PRKD2: variants seen among roughly 807,000 people sequenced by gnomAD.
PRKD2 encodes the protein protein kinase D2, also known as serine/threonine-protein kinase D2.
Under a neutral mutation model 86.0 loss-of-function variants are expected in PRKD2, and 22 were observed. That is an observed-to-expected ratio of 0.26 (90% CI 0.18 to 0.37). The LOEUF is 0.37. Ranked by LOEUF, PRKD2 falls within the 10% of genes least tolerant of loss-of-function variation. PRKD2 has a pLI of 1.00. For missense variants in PRKD2, 818 were observed against 1,199.2 expected (o/e 0.68, Z 4.70); for synonymous variants, 509 against 510.9 (o/e 1.00, Z 0.05).
In PRKD2 at chr19:46,674,514, C is replaced by T. The variant is rs917914802; in HGVS notation, c.*9G>A. 1.7e-5 allele frequency: 27 copies of T among 1,607,152 alleles called. No individual in the cohort carries two copies. Among genetic ancestry groups the T allele is most frequent in the Non-Finnish European group, 2.2e-5 (26 of 1,175,768 alleles). Reference sequence around the variant, plus strand: ...GTGGAGGGCAGCAGCTGGACGAGGGCACAGGACCTCAGAGAACACTGATGC... The same window carrying T: ...GTGGAGGGCAGCAGCTGGACGAGGGTACAGGACCTCAGAGAACACTGATGC... On this transcript the variant is annotated 3_prime_UTR_variant, in exon 18 of 18. Coordinates refer to ENST00000291281, the MANE Select transcript of PRKD2 (RefSeq NM_016457.5).
chr19:46,681,834 C>A, intron 14 of PRKD2, 86 bp from the exon 15 acceptor site: 4 of 740,470 alleles, frequency 5.4e-6, no homozygotes, highest in Non-Finnish European at 6.6e-6. Flanking sequence ...CCAAACCCAT[C>A]CATACTTTTT....
chr19:46,682,701 ATTTTTTTTTT>A (rs71177241), intron 14 of PRKD2, among the ~76,000 whole-genome samples: 4 of 102,874 alleles, frequency 3.9e-5, no homozygotes, highest in African/African-American at 1.5e-4. Flanking sequence ...ATGTGATTCT[ATTTTTTTTTT>A]TTTTTTTTTT....
At chr19:46,710,646 T>A in intron 3 of PRKD2, 1 of 441,700 alleles carries the variant, frequency 2.3e-6, no homozygotes, top group Non-Finnish European at 4.1e-6. Flanking sequence ...CCCTAGGCTC[T>A]GTTCTTAAGC....
At chr19:46,694,274 T>A in intron 9 of PRKD2, 141 bp from the exon 10 acceptor site, 1 of 1,182,602 alleles carries the variant, frequency 8.5e-7, no homozygotes, top group Non-Finnish European at 1.2e-6. Context: ...CCAGTAATTC[T>A]AAGCCTGTTC....
chr19:46,702,856 T>C (rs1447524665), intron 5 of PRKD2, among the ~76,000 whole-genome samples: 3 of 152,002 alleles, frequency 2.0e-5, no homozygotes. Flanking sequence ...CCTGGCTAAT[T>C]TTTAATTTTT....
At position 46,711,014 on chromosome 19, in the gene PRKD2, T is replaced by A; in HGVS notation, c.404A>T (p.Gln135Leu). 1.3e-6 allele frequency: 2 copies of A among 1,582,310 alleles called. No homozygotes were observed. The highest frequency in any genetic ancestry group is 1.7e-6 in the Non-Finnish European group (2 of 1,164,298). Residue 135 changes from glutamine (Q) to leucine (L), a missense_variant, in exon 3 of 18, where the codon CAG (glutamine) becomes CTG (leucine). Around this residue, in one of 5 missense-constraint regions of PRKD2, gnomAD observed 403 missense variants for 518.6 expected, o/e 0.78. Coordinates refer to ENST00000291281, the MANE Select transcript of PRKD2 (RefSeq NM_016457.5). ...CACCGTGAGGGCGTGCGGGCGGATC[T>A]GGAAGTCCTCGAAGGTGGCCGAGGC... is the stretch of plus-strand genomic sequence containing the variant. ...LSASATFEDF[Q>L]IRPHALTVHS...
At chr19:46,699,003 A>G (rs2053600459) in intron 7 of PRKD2, among the ~76,000 whole-genome samples, 1 of 152,146 alleles carries the variant, frequency 6.6e-6, no homozygotes, top group Non-Finnish European at 1.5e-5. Flanking sequence ...CTGCGGCTTC[A>G]GGCTGCTTGG....
intron 3 of PRKD2, among the ~76,000 whole-genome samples, chr19:46,708,090 G>A (rs1044484921): frequency 1.4e-4 from 21 of 151,952 alleles, no homozygotes; most frequent in African/African-American, 5.1e-4. Context: ...AGACTGAGAC[G>A]CTGTCTCCAA....
At position 46,691,774 on chromosome 19, in the gene PRKD2, C is replaced by A; in HGVS notation, c.1663G>T (p.Glu555Ter). 1 of 1,613,416 alleles carries A rather than the reference C, an allele frequency of 6.2e-7. No individual in the cohort carries two copies. The highest frequency in any genetic ancestry group is 8.5e-7 in the Non-Finnish European group (1 of 1,180,020). Residue 555 changes from glutamate to a stop codon, truncating the protein, a stop_gained, in exon 12 of 18, where the codon GAA becomes TAA. Coordinates refer to ENST00000291281, the MANE Select transcript of PRKD2 (RefSeq NM_016457.5). LOFTEE classifies it high-confidence loss of function. ...CCAAACTGCCCTGAGCCCAGCACTT[C>A]GTCAGGGAAGATCTGGTAGACAGTG... The part of the protein sequence containing the change: ...IATVYQIFPD[E>*]VLGSGQFGVV...
chr19:46,694,736 C>T (rs2053532431), intron 9 of PRKD2, among the ~76,000 whole-genome samples: 1 of 152,162 alleles, frequency 6.6e-6, no homozygotes, highest in Non-Finnish European at 1.5e-5. Flanking sequence ...AAAAGCCAAG[C>T]TGTATCCCCA....
chr19:46,709,937 C>G (rs778854151), intron 3 of PRKD2, among the ~76,000 whole-genome samples: 4 of 151,812 alleles, frequency 2.6e-5, no homozygotes, highest in African/African-American at 7.3e-5. Flanking sequence ...CTCACTCTAT[C>G]ACCAGGCTGG....
chr19:46,698,204 G>A lies in PRKD2; in HGVS notation c.1122-354C>T, dbSNP rs562171312. Reference sequence around the variant, plus strand: ...TAATTTTTGTATTTTTAGTAGTGATGAGGTTTCACCATGTTGGCCAGGCTG... The same window carrying A: ...TAATTTTTGTATTTTTAGTAGTGATAAGGTTTCACCATGTTGGCCAGGCTG... On this transcript the variant is annotated intron_variant, in intron 7 of 17. Transcript: ENST00000291281. 4.1e-4 allele frequency among the ~76,000 whole-genome samples: 63 copies of A among 152,118 alleles called. 1 individual carries two copies. The highest frequency in any genetic ancestry group is 4.1e-3 in the Admixed American group (62 of 15,276).
chr19:46,704,546 GT>G lies in PRKD2; in HGVS notation c.614del (p.His205ProfsTer18). The G allele has an allele frequency of 6.2e-7, 1 of 1,614,142 alleles. No individual in the cohort carries two copies. The highest frequency in any genetic ancestry group is 8.5e-7 in the Non-Finnish European group (1 of 1,180,008). On this transcript the variant is annotated frameshift_variant, in exon 4 of 18. Transcript: ENST00000291281. LOFTEE classifies it high-confidence loss of function. ...ACTCGGAGGTGCCGAGGCGCACCGA[GT>G]GGCCACTGGCCAGAGACGTGGATGA... Reference protein sequence around the residue: ...RLSSTSLASGHSVRLGTSESL... With the variant: ...RLSSTSLASGXSVRLGTSESL...
chr19:46,698,760 T>G (rs939774082), intron 7 of PRKD2, among the ~76,000 whole-genome samples: 6 of 152,058 alleles, frequency 3.9e-5, no homozygotes, highest in African/African-American at 1.2e-4. Context: ...GTTTGAGATT[T>G]GAGAGATTAA....
intron 14 of PRKD2, among the ~76,000 whole-genome samples, chr19:46,683,026 T>C (rs1273918491): frequency 6.7e-6 from 1 of 149,566 alleles, no homozygotes; most frequent in Admixed American, 6.7e-5. Flanking sequence ...AGAGATGGAG[T>C]CTCCCTCTGT....
Position 46,704,354 on chromosome 19 carries a change from G to A in PRKD2, c.704C>T (p.Pro235Leu), listed in dbSNP as rs758351115. The A allele has an allele frequency of 3.1e-6, 5 of 1,614,092 alleles. No homozygotes were observed. Among genetic ancestry groups the A allele is most frequent in the South Asian group, 1.1e-5 (1 of 91,084 alleles). Residue 235 changes from proline to leucine, a missense_variant, in exon 5 of 18, where the codon CCG (proline) becomes CTG (leucine). Around this residue, in one of 5 missense-constraint regions of PRKD2, gnomAD observed 403 missense variants for 518.6 expected, o/e 0.78. Transcript: ENST00000291281. ...STTELLPRRP[P>L]SSSSSSSASS... ...GGCAGAAGAGGAGGAAGAGGATGAC[G>A]GGGGACGGCGAGGCAGGAGTTCGGT...
At chr19:46,694,296 T>G (rs944181588) in intron 9 of PRKD2, among the ~76,000 whole-genome samples, 163 bp from the exon 10 acceptor site, 3 of 152,196 alleles carry the variant, frequency 2.0e-5, no homozygotes, top group Non-Finnish European at 4.4e-5. Context: ...CACTGTTCTT[T>G]TATAATTACT....
intron 1 of PRKD2, among the ~76,000 whole-genome samples, chr19:46,715,856 GC>G (rs2053874094): frequency 6.6e-6 from 1 of 151,940 alleles, no homozygotes; most frequent in Admixed American, 6.5e-5. Context: ...CACCTGGCTG[GC>G]CCCTCCCTTC....
chr19:46,702,449 T>G (rs1415503052), intron 5 of PRKD2, among the ~76,000 whole-genome samples: 2 of 152,130 alleles, frequency 1.3e-5, no homozygotes, highest in Non-Finnish European at 2.9e-5. Flanking sequence ...TTTAGGGTGT[T>G]ATATATCTAA....
Sources: gnomAD v4.1 joint callset for allele counts (sites outside exome capture counted in the v4.1 genomes callset) on GRCh38, gnomAD v4.1.1 for gene constraint, gnomAD v4.1.1 regional missense constraint, MANE v1.5 for transcripts, NCBI Gene and HGNC (gene_info 2026-07-23, HGNC 2026-07-21) for gene names.